TARBP1: variants seen among roughly 807,000 people sequenced by gnomAD.
The protein encoded by TARBP1 is tRNA (guanosine(18)-2'-O)-methyltransferase TARBP1.
In TARBP1, 144 loss-of-function variants were observed where a neutral mutation model predicts 178.6. That is an observed-to-expected ratio of 0.81 (90% confidence interval 0.70 to 0.93). TARBP1 has a LOEUF of 0.93. Among genes scored for constraint, TARBP1 ranks in the 40% least tolerant of loss-of-function variants. The pLI is 0.00. For synonymous variants in TARBP1, 787 were observed against 781.0 expected, an observed-to-expected ratio of 1.01 and a Z score of -0.13; for missense variants, 2,067 against 2,011.7, an observed-to-expected ratio of 1.03 and a Z score of -0.53.
At chr1:234,443,083 G>A (rs1397355255) in intron 12 of TARBP1, among the ~76,000 whole-genome samples, 1 of 152,088 alleles carries the variant, frequency 6.6e-6, no homozygotes, top group Non-Finnish European at 1.5e-5. Context: ...CTAAGGTTGG[G>A]AGTTTGAGAC....
At chr1:234,399,420 G>A (rs1276517372) in intron 25 of TARBP1, among the ~76,000 whole-genome samples, 1 of 152,228 alleles carries the variant, frequency 6.6e-6, no homozygotes, top group Non-Finnish European at 1.5e-5. Flanking sequence ...GGGGCACCAA[G>A]TACAGCTCCA....
chr1:234,444,709 A>G (rs754753669), intron 12 of TARBP1, among the ~76,000 whole-genome samples: 3 of 151,806 alleles, frequency 2.0e-5, no homozygotes, highest in Non-Finnish European at 2.9e-5. Context: ...AAAAAACAGA[A>G]TAAATTAGAA....
Position 234,478,316 on chromosome 1 carries a change from C to G in TARBP1, c.788G>C (p.Trp263Ser), listed in dbSNP as rs1669769322. 5.6e-6 allele frequency: 8 copies of G among 1,427,782 alleles called. No individual in the cohort carries two copies. Among genetic ancestry groups the G allele is most frequent in the Non-Finnish European group, 7.3e-6 (8 of 1,090,474 alleles). The allele number at this position is 1,427,782 out of a possible 1,614,324, so 88.4% of individuals were successfully genotyped here. A position where few individuals can be genotyped will look rare whatever the true frequency, so the allele number is the denominator to read the frequency against. ...REAGPDARRC[W>S]RFWRTVQAGL... ...CGCCTGCACCGTCCTCCAGAAGCGC[C>G]AGCAGCGCCGGGCGTCCGGGCCCGC... is the stretch of plus-strand genomic sequence containing the variant. Residue 263 changes from tryptophan to serine, a missense_variant, in exon 1 of 30, where the codon TGG becomes TCG. Transcript: ENST00000040877.
At chr1:234,471,869 GTAATTATT>G (rs139571902) in intron 2 of TARBP1, among the ~76,000 whole-genome samples, 2,224 of 152,208 alleles carry the variant, frequency 0.015, 50 homozygotes, top group African/African-American at 0.051. Context: ...GCACATATAA[GTAATTATT>G]TAAGTCCACA....
chr1:234,478,662 C>G lies in TARBP1; in HGVS notation c.442G>C (p.Gly148Arg), dbSNP rs1251289383. ...TCCTCGCGGGGCCGCAAACATGGCC[C>G]GACGGCTGCTAGCACTTCCACGGCA... ...EAAVEVLAAV[G>R]PCLRPREDGP... The change falls in exon 1 of 30, where the codon GGG becomes CGG. Residue 148 changes from glycine (G) to arginine (R), a missense_variant. Coordinates refer to ENST00000040877, the MANE Select transcript of TARBP1 (RefSeq NM_005646.4). The G allele has an allele frequency of 7.9e-7, 1 of 1,263,760 alleles. No individual in the cohort carries two copies. The highest frequency in any genetic ancestry group is 9.9e-7 in the Non-Finnish European group (1 of 1,005,268). The allele number at this position is 1,263,760 out of a possible 1,614,324, so 78.3% of individuals were successfully genotyped here.
At position 234,465,710 on chromosome 1, in the gene TARBP1, TAA is replaced by T. The variant is rs531256921; in HGVS notation, c.1249-4_1249-3del. 33,138 of 1,208,556 alleles carry T rather than the reference TAA, an allele frequency of 0.027. 2 individuals are homozygous for T. The highest frequency in any genetic ancestry group is 0.035 in the South Asian group (1,920 of 55,308). 74.9% of individuals were successfully genotyped at this position (1,208,556 alleles called of 1,614,324 possible). A position where few individuals can be genotyped will look rare whatever the true frequency, so the allele number is the denominator to read the frequency against. On this transcript the variant is annotated splice_polypyrimidine_tract_variant and splice_region_variant and intron_variant, in intron 4 of 29. Coordinates refer to ENST00000040877, the MANE Select transcript of TARBP1 (RefSeq NM_005646.4). ...ATCCATTAATGGTCCAATAATAAAC[TAA>T]AAAAAAAAAAAAAAAAAGACACGTA... is the stretch of plus-strand genomic sequence containing the variant.
chr1:234,466,506 T>C (rs896827361), intron 4 of TARBP1, among the ~76,000 whole-genome samples: 1 of 150,950 alleles, frequency 6.6e-6, no homozygotes, highest in Non-Finnish European at 1.5e-5. Flanking sequence ...AGTGAGACTC[T>C]GTCTCAAAAA....
intron 20 of TARBP1, among the ~76,000 whole-genome samples, chr1:234,425,049 G>C (rs1265247344): frequency 7.0e-6 from 1 of 143,836 alleles, no homozygotes; most frequent in Non-Finnish European, 1.5e-5. Context: ...CAACAAGAGC[G>C]AAACTCCGTC....
rs1667422057 is a variant in TARBP1 at position 234,457,658 on chromosome 1, T to C, written c.1722+9A>G. The stretch of plus-strand genomic sequence containing the variant: ...TTCAAAGACTTTATTAAATTATCTT[T>C]AATCTCACCTCTGTCCACAATGAAG... On this transcript the variant is annotated intron_variant, in intron 9 of 29. Transcript: ENST00000040877. The C allele has an allele frequency of 1.9e-6, 3 of 1,576,848 alleles. No homozygotes were observed. The South Asian group carries it at 3.5e-5, about 18-fold the overall frequency.
At chr1:234,442,865 T>TC (rs1234316937) in intron 12 of TARBP1, among the ~76,000 whole-genome samples, 3 of 152,164 alleles carry the variant, frequency 2.0e-5, no homozygotes, top group Non-Finnish European at 2.9e-5. Context: ...CAGTGGCTCC[T>TC]CTTAATTACC....
chr1:234,456,043 G>A (rs797019577), intron 9 of TARBP1, among the ~76,000 whole-genome samples: 13 of 152,278 alleles, frequency 8.5e-5, no homozygotes, highest in African/African-American at 3.1e-4. Flanking sequence ...ATTTGGTATT[G>A]TATCACTGTA....
intron 12 of TARBP1, among the ~76,000 whole-genome samples, chr1:234,441,135 G>A (rs1665550939): frequency 6.6e-6 from 1 of 152,238 alleles, no homozygotes; most frequent in African/African-American, 2.4e-5. Context: ...AGTGAGCTGA[G>A]ATTGCACCAC....
chr1:234,426,583 T>C (rs963468408), intron 19 of TARBP1, among the ~76,000 whole-genome samples: 6 of 152,188 alleles, frequency 3.9e-5, no homozygotes, highest in African/African-American at 1.4e-4. Flanking sequence ...GATAACTAAA[T>C]ATTATAATCA....
At chr1:234,411,296 C>T (rs1041443622) in intron 22 of TARBP1, among the ~76,000 whole-genome samples, 6 of 152,178 alleles carry the variant, frequency 3.9e-5, no homozygotes, top group African/African-American at 1.4e-4. Flanking sequence ...TGGGAGGATA[C>T]ACATCAGTTA....
intron 6 of TARBP1, among the ~76,000 whole-genome samples, chr1:234,462,776 ACAAT>A (rs1426913345): frequency 3.3e-5 from 5 of 152,122 alleles, no homozygotes; most frequent in Admixed American, 6.5e-5. Context: ...AGTAATCAAA[ACAAT>A]CAATTTTCTA....
chr1:234,401,145 A>G (rs769293294), intron 25 of TARBP1, 36 bp downstream of exon 25: 27 of 1,538,210 alleles, frequency 1.8e-5, no homozygotes, highest in Non-Finnish European at 2.3e-5. Flanking sequence ...GATTAAAGAT[A>G]CAATAGAGAA....
At position 234,429,202 on chromosome 1, in the gene TARBP1, A is replaced by T; in HGVS notation, c.2994T>A (p.Val998=). 6.2e-7 allele frequency: 1 copy of T among 1,607,004 alleles called. No individual in the cohort carries two copies. The highest frequency in any genetic ancestry group is 1.1e-5 in the South Asian group (1 of 88,684). The change falls in exon 17 of 30, where the codon GTT becomes GTA. Residue 998 remains valine (V), a synonymous_variant. Coordinates refer to ENST00000040877, the MANE Select transcript of TARBP1 (RefSeq NM_005646.4). Reference sequence around the variant, plus strand: ...CAATGGTAAGAACTTTGTTATCAAAAACAAACTGAACAAAAGCTTTTAAAT... The same window carrying T: ...CAATGGTAAGAACTTTGTTATCAAATACAAACTGAACAAAAGCTTTTAAAT... ...WANLKAFVQF[V]FDNKVLTIAA...
chr1:234,468,843 C>G (rs1041781015), intron 3 of TARBP1, among the ~76,000 whole-genome samples: 1 of 151,830 alleles, frequency 6.6e-6, no homozygotes, highest in African/African-American at 2.4e-5. Flanking sequence ...AGCCTGGACT[C>G]TTAGCTTAGA....
At chr1:234,413,923 A>T (rs1370489072) in intron 22 of TARBP1, among the ~76,000 whole-genome samples, 1 of 152,204 alleles carries the variant, frequency 6.6e-6, no homozygotes, top group Admixed American at 6.5e-5. Context: ...GGAAAGTGTC[A>T]AGGTTTCTGG....
Sources: gnomAD v4.1 joint callset for allele counts (sites outside exome capture counted in the v4.1 genomes callset) on GRCh38, gnomAD v4.1.1 for gene constraint, MANE v1.5 for transcripts, NCBI Gene and HGNC (gene_info 2026-07-23, HGNC 2026-07-21) for gene names.